SORBS2: variants seen among roughly 807,000 people sequenced by gnomAD.
SORBS2 encodes sorbin and SH3 domain-containing protein 2.
SORBS2 carries 46 observed loss-of-function variants against 97.7 expected under a neutral mutation model. The observed-to-expected ratio is 0.47, with a 90% CI of 0.37 to 0.60. SORBS2 has a LOEUF of 0.60. SORBS2 is among the 20% of genes least tolerant of loss of function. The probability of loss-of-function intolerance (pLI) is 0.00; values close to 1 mark genes in which losing one functional copy is unlikely to be tolerated. For synonymous variants in SORBS2, 476 were observed against 473.4 expected (o/e 1.01, Z -0.07); for missense variants, 1,316 against 1,282.3 (o/e 1.03, Z -0.40).
At chr4:185,891,170 G>T (rs977560140) in intron 1 of SORBS2, among the ~76,000 whole-genome samples, 1 of 151,808 alleles carries the variant, frequency 6.6e-6, no homozygotes, top group African/African-American at 2.4e-5. Context: ...TTTATTTTGT[G>T]TCAGTAAACA....
Position 185,618,568 on chromosome 4 carries a change from GTATT to G in SORBS2, c.2351+13_2351+16del. 7.0e-7 allele frequency: 1 copy of G among 1,433,134 alleles called. No individual in the cohort carries two copies. Among genetic ancestry groups the G allele is most frequent in the South Asian group, 1.5e-5 (1 of 68,328 alleles). 88.8% of individuals were successfully genotyped at this position (1,433,134 alleles called of 1,614,324 possible). A position where few individuals can be genotyped will look rare whatever the true frequency, so the allele number is the denominator to read the frequency against. ...AAAACCACCTTAAATCATATGATGA[GTATT>G]TATCTTACTTACTTAGATGTCTGAG... On this transcript the variant is annotated intron_variant, in intron 9 of 14. Coordinates refer to ENST00000418609, the Ensembl canonical transcript of SORBS2.
chr4:185,816,773 A>C (rs180897949), intron 1 of SORBS2, among the ~76,000 whole-genome samples: 3 of 152,374 alleles, frequency 2.0e-5, no homozygotes, highest in Admixed American at 2.0e-4. Flanking sequence ...TCACTTATCA[A>C]ATGAATTTAA....
chr4:185,714,453 CTTTTT>C (rs11367790), intron 2 of SORBS2, among the ~76,000 whole-genome samples: 2 of 151,058 alleles, frequency 1.3e-5, no homozygotes, highest in Admixed American at 6.6e-5. Flanking sequence ...TTAGTTTAGG[CTTTTT>C]TTTTTCACCT....
intron 4 of SORBS2, among the ~76,000 whole-genome samples, chr4:185,638,673 G>T (rs1241387325): frequency 1.4e-4 from 22 of 151,866 alleles, no homozygotes; most frequent in African/African-American, 5.1e-4. Context: ...GGAAGGGTGC[G>T]GGAGGGGTGG....
At chr4:185,780,906 T>C (rs2099025424) in intron 1 of SORBS2, among the ~76,000 whole-genome samples, 1 of 152,216 alleles carries the variant, frequency 6.6e-6, no homozygotes, top group African/African-American at 2.4e-5. Flanking sequence ...CTCAATTTTC[T>C]AGTTGAAACT....
intron 4 of SORBS2, among the ~76,000 whole-genome samples, chr4:185,642,396 C>CT (rs1158653565): frequency 6.6e-6 from 1 of 151,068 alleles, no homozygotes; most frequent in Non-Finnish European, 1.5e-5. Flanking sequence ...TAAACAAATG[C>CT]TTTATTAATT....
intron 2 of SORBS2, among the ~76,000 whole-genome samples, chr4:185,719,961 T>C (rs1413982741): frequency 6.6e-6 from 1 of 152,164 alleles, no homozygotes; most frequent in Non-Finnish European, 1.5e-5. Flanking sequence ...TTTTGACCAG[T>C]GGGTGTGAGA....
At chr4:185,873,113 G>A (rs183461145) in intron 1 of SORBS2, among the ~76,000 whole-genome samples, 2 of 152,284 alleles carry the variant, frequency 1.3e-5, no homozygotes, top group African/African-American at 4.8e-5. Context: ...ACACAAAAAC[G>A]TGTTTTCCCC....
At chr4:185,914,052 CA>C (rs1247236871) in intron 1 of SORBS2, among the ~76,000 whole-genome samples, 1 of 152,006 alleles carries the variant, frequency 6.6e-6, no homozygotes, top group East Asian at 1.9e-4. Context: ...TTTTGAGTAC[CA>C]AAACAAGTAT....
intron 1 of SORBS2, among the ~76,000 whole-genome samples, chr4:185,803,178 G>A (rs1224692585): frequency 1.3e-5 from 2 of 152,144 alleles, no homozygotes; most frequent in East Asian, 3.9e-4. Context: ...TCACAGGCTG[G>A]GCTAAAGGCA....
chr4:185,955,244 A>G (rs1274195264), intron 1 of SORBS2, among the ~76,000 whole-genome samples: 1 of 152,162 alleles, frequency 6.6e-6, no homozygotes, highest in African/African-American at 2.4e-5. Flanking sequence ...TCAAGCCACC[A>G]TTCATAACCC....
At chr4:185,870,276 T>C (rs1184915705) in intron 1 of SORBS2, among the ~76,000 whole-genome samples, 2 of 152,192 alleles carry the variant, frequency 1.3e-5, no homozygotes, top group African/African-American at 4.8e-5. Flanking sequence ...AATTGCAGAA[T>C]TCGTGAAATC....
intron 1 of SORBS2, among the ~76,000 whole-genome samples, chr4:185,806,570 G>T (rs995798912): frequency 2.7e-5 from 4 of 147,750 alleles, no homozygotes; most frequent in Non-Finnish European, 4.5e-5. Context: ...CCATTCTCCT[G>T]CCTCAGCCTC....
At chr4:185,825,992 G>A (rs1240577520) in intron 1 of SORBS2, among the ~76,000 whole-genome samples, 8 of 152,022 alleles carry the variant, frequency 5.3e-5, no homozygotes, top group Admixed American at 3.3e-4. Flanking sequence ...GTCTTTCTGC[G>A]GTTAAACAAG....
rs531955134 is a variant in SORBS2 at position 185,926,862 on chromosome 4, C to T, written c.-338+29334G>A. ...CAGACTCATCCATTGCTGACCCTGA[C>T]ATTAATTCTATCAACTAATCCTAAT... is the stretch of plus-strand genomic sequence containing the variant. On this transcript the variant is annotated intron_variant, in intron 1 of 20. Transcript: ENST00000284776. Among the ~76,000 whole-genome samples the T allele has an allele frequency of 2.0e-5, 3 of 152,102 alleles. No individual in the cohort carries two copies. In the South Asian group the frequency reaches 6.2e-4, roughly 32 times the overall value.
At chr4:185,889,843 T>G (rs1046375544) in intron 1 of SORBS2, among the ~76,000 whole-genome samples, 22 of 152,226 alleles carry the variant, frequency 1.4e-4, no homozygotes, top group African/African-American at 5.3e-4. Context: ...CCTCCTGCCT[T>G]CCTTCATTCC....
At chr4:185,885,210 C>T (rs1426024914) in intron 1 of SORBS2, among the ~76,000 whole-genome samples, 1 of 152,312 alleles carries the variant, frequency 6.6e-6, no homozygotes, top group African/African-American at 2.4e-5. Context: ...TCTGATGGCT[C>T]GTTGGGGATG....
At position 185,623,150 on chromosome 4, in the gene SORBS2, A is replaced by C; in HGVS notation, c.1979T>G (p.Ile660Ser). 6.2e-7 allele frequency: 1 copy of C among 1,614,142 alleles called. No homozygotes were observed. The highest frequency in any genetic ancestry group is 8.5e-7 in the Non-Finnish European group (1 of 1,180,038). ...CAGCTCACTGATGAGGCGGTGCAGG[A>C]TGCTGTTGTCCGGCAAGCTCCCCCT... Residue 660 changes from isoleucine to serine, a missense_variant, in exon 7 of 15, where the codon ATC becomes AGC. By Grantham distance (142) the Ile-to-Ser change is moderately radical. Transcript: ENST00000418609. This position sits in a 1 kb window ranked among gnomAD's most constrained non-coding sequence, Gnocchi z 6.4.
intron 2 of SORBS2, among the ~76,000 whole-genome samples, chr4:185,731,866 C>CTCTCTCTATATATATATA (rs1286500642): frequency 8.1e-5 from 2 of 24,692 alleles, no homozygotes; most frequent in Non-Finnish European, 1.3e-4. Flanking sequence ...CTCTCTCTCT[C>CTCTCTCTATATATATATA]TATATATATA....
Sources: gnomAD v4.1 joint callset for allele counts (sites outside exome capture counted in the v4.1 genomes callset) on GRCh38, gnomAD v4.1.1 for gene constraint, Gnocchi (gnomAD v3.1) non-coding constraint, MANE v1.5 for transcripts, NCBI Gene and HGNC (gene_info 2026-07-23, HGNC 2026-07-21) for gene names.